VPS13B: variants seen among roughly 807,000 people sequenced by gnomAD.
VPS13B encodes the protein intermembrane lipid transfer protein VPS13B.
In VPS13B, 285 loss-of-function variants were observed where a neutral mutation model predicts 426.4. The observed-to-expected ratio is 0.67, with a 90% CI of 0.61 to 0.74. The LOEUF (loss-of-function observed/expected upper bound fraction) is 0.74. Among genes scored for constraint, VPS13B ranks in the 30% least tolerant of loss-of-function variants. The probability of loss-of-function intolerance (pLI) is 0.00; values close to 1 mark genes in which losing one functional copy is unlikely to be tolerated. For synonymous variants in VPS13B, 1,676 were observed against 1,676.4 expected (o/e 1.00, Z 0.01); for missense variants, 4,537 against 4,782.6 (o/e 0.95, Z 1.51).
chr8:99,431,665 G>A lies in VPS13B; in HGVS notation c.3210+1G>A. ...TGCAGTGAAGCATCTCACACTACAG[G>A]TAAAATAAAAGTTAGAAATATTATG... On this transcript the variant is annotated splice_donor_variant, in intron 22 of 61. Coordinates refer to ENST00000357162, the MANE Select transcript of VPS13B (RefSeq NM_152564.5). LOFTEE classifies it high-confidence loss of function. The A allele has an allele frequency of 6.2e-7, 1 of 1,612,352 alleles. No homozygotes were observed. The highest frequency in any genetic ancestry group is 8.5e-7 in the Non-Finnish European group (1 of 1,179,308).
intron 17 of VPS13B, among the ~76,000 whole-genome samples, chr8:99,208,379 T>G (rs1814856713): frequency 6.6e-6 from 1 of 152,180 alleles, no homozygotes; most frequent in South Asian, 2.1e-4. Flanking sequence ...TTCTTTTTAT[T>G]TCCTTTTTTT....
At chr8:99,541,920 C>G (rs1823643111) in intron 30 of VPS13B, among the ~76,000 whole-genome samples, 1 of 151,942 alleles carries the variant, frequency 6.6e-6, no homozygotes, top group Non-Finnish European at 1.5e-5. Context: ...AGTGTTTAAT[C>G]CTAGATGTAA....
intron 17 of VPS13B, among the ~76,000 whole-genome samples, chr8:99,196,139 G>A (rs774810379): frequency 3.3e-5 from 5 of 151,960 alleles, no homozygotes; most frequent in Non-Finnish European, 7.4e-5. Context: ...ATTGCTTTGG[G>A]TAATATGGAC....
chr8:99,015,652 C>G (rs1351237903), intron 2 of VPS13B, among the ~76,000 whole-genome samples: 1 of 151,800 alleles, frequency 6.6e-6, no homozygotes, highest in Non-Finnish European at 1.5e-5. Flanking sequence ...GCCTGTAACC[C>G]CAGCACTTTG....
chr8:99,367,637 A>T (rs1156591467), intron 19 of VPS13B, among the ~76,000 whole-genome samples: 1 of 152,008 alleles, frequency 6.6e-6, no homozygotes, highest in Non-Finnish European at 1.5e-5. Context: ...CTTAGATTTG[A>T]CCTTTTGAAT....
chr8:99,787,836 C>T (rs2130714110), intron 43 of VPS13B, among the ~76,000 whole-genome samples: 1 of 152,028 alleles, frequency 6.6e-6, no homozygotes, highest in Non-Finnish European at 1.5e-5. Context: ...TTGCCTTTAT[C>T]TTGTATGTAA....
chr8:99,310,756 G>A (rs970877454), intron 19 of VPS13B, among the ~76,000 whole-genome samples: 2 of 152,132 alleles, frequency 1.3e-5, no homozygotes, highest in South Asian at 4.1e-4. Context: ...AGTTTCAGAA[G>A]GAATGGTACC....
chr8:99,051,237 T>C (rs933459151), intron 3 of VPS13B, among the ~76,000 whole-genome samples: 2 of 152,236 alleles, frequency 1.3e-5, no homozygotes, highest in African/African-American at 4.8e-5. Context: ...CAGTTTCAGC[T>C]TTCTACATAT....
intron 24 of VPS13B, among the ~76,000 whole-genome samples, chr8:99,480,924 G>A (rs1820000388): frequency 6.6e-6 from 1 of 152,084 alleles, no homozygotes; most frequent in East Asian, 1.9e-4. Flanking sequence ...ACAGTATATG[G>A]CACTACGTTG....
chr8:99,050,496 C>G (rs6468654), intron 3 of VPS13B, among the ~76,000 whole-genome samples: 11 of 151,992 alleles, frequency 7.2e-5, no homozygotes, highest in African/African-American at 2.4e-5. Flanking sequence ...AATAAACATA[C>G]GTGTGCATGT....
At chr8:99,417,853 A>G (rs545747479) in intron 21 of VPS13B, among the ~76,000 whole-genome samples, 1 of 151,720 alleles carries the variant, frequency 6.6e-6, no homozygotes, top group East Asian at 1.9e-4. Context: ...TTCCATTGAG[A>G]TCTAGGTAGA....
intron 35 of VPS13B, chr8:99,696,921 G>A: frequency 1.4e-6 from 1 of 726,890 alleles, no homozygotes; most frequent in Non-Finnish European, 2.6e-6. Flanking sequence ...GCTCCATAAA[G>A]GCCAATGATA....
At chr8:99,393,229 T>A (rs1195228659) in intron 21 of VPS13B, among the ~76,000 whole-genome samples, 1 of 152,118 alleles carries the variant, frequency 6.6e-6, no homozygotes, top group East Asian at 1.9e-4. Flanking sequence ...GATTTTGAAA[T>A]GCATCTGTAT....
At chr8:99,341,180 T>C (rs1811224601) in intron 19 of VPS13B, 2 of 226,912 alleles carry the variant, frequency 8.8e-6, no homozygotes, top group Non-Finnish European at 1.8e-5. Context: ...AGTGTGGTGG[T>C]GGCAAGGCCT....
At position 99,871,713 on chromosome 8, in the gene VPS13B, CAG is replaced by C; in HGVS notation, c.11745+17_11745+18del. On this transcript the variant is annotated intron_variant, in intron 61 of 61. Transcript: ENST00000357162. ...TGATGTGGAGGTACGTTTCAGAAAA[CAG>C]GGCAACCAAGACTAGCTGGCCAGGG... The C allele has an allele frequency of 6.2e-7, 1 of 1,612,816 alleles. No individual in the cohort carries two copies. Among genetic ancestry groups the C allele is most frequent in the East Asian group, 2.2e-5 (1 of 44,880 alleles).
intron 59 of VPS13B, among the ~76,000 whole-genome samples, chr8:99,869,699 C>T (rs1050445482): frequency 3.1e-4 from 47 of 152,304 alleles, no homozygotes; most frequent in Non-Finnish European, 4.4e-5. Flanking sequence ...TGTCCCTCAC[C>T]GTGTTTCCCA....
chr8:99,377,846 C>T (rs976996681), intron 19 of VPS13B, among the ~76,000 whole-genome samples: 8 of 152,084 alleles, frequency 5.3e-5, no homozygotes, highest in Non-Finnish European at 7.3e-5. Context: ...TCACAGAGAT[C>T]ACATGGTTCA....
Position 99,536,319 on chromosome 8 carries a change from T to G in VPS13B, c.4745+15309T>G, listed in dbSNP as rs538038761. ...AACTTTAATATCAAATAATATATTA[T>G]CCACTCTGGTATTTTCCATGTAAAT... is the stretch of plus-strand genomic sequence containing the variant. On this transcript the variant is annotated intron_variant, in intron 30 of 61. Transcript: ENST00000357162. Among the ~76,000 whole-genome samples the G allele has an allele frequency of 2.6e-5, 4 of 152,226 alleles. No individual in the cohort carries two copies. The South Asian group carries it at 8.3e-4, about 32-fold the overall frequency.
intron 3 of VPS13B, among the ~76,000 whole-genome samples, chr8:99,044,305 T>G (rs1047533945): frequency 1.3e-5 from 2 of 151,702 alleles, no homozygotes; most frequent in Non-Finnish European, 2.9e-5. Context: ...GGATGGTCTC[T>G]ATCTCCTGAC....
Sources: gnomAD v4.1 joint callset for allele counts (sites outside exome capture counted in the v4.1 genomes callset) on GRCh38, gnomAD v4.1.1 for gene constraint, MANE v1.5 for transcripts, NCBI Gene and HGNC (gene_info 2026-07-23, HGNC 2026-07-21) for gene names.